The following TSNAXIP1 variants were observed in gnomAD, a reference collection of about 807,000 sequenced individuals.
The protein encoded by TSNAXIP1 is translin associated factor X interacting protein 1.
A neutral mutation model predicts 84.8 loss-of-function variants in TSNAXIP1; 89 were observed. The ratio of observed to expected loss-of-function variants is 1.05; its 90% confidence interval spans 0.88 to 1.25. The LOEUF is 1.25. TSNAXIP1 is among the 50% of genes most tolerant of loss of function. The probability of loss-of-function intolerance (pLI) is 0.00; values close to 1 mark genes in which losing one functional copy is unlikely to be tolerated. For missense variants in TSNAXIP1, 874 were observed against 887.6 expected, an observed-to-expected ratio of 0.98 and a Z score of 0.20; for synonymous variants, 347 against 335.2, an observed-to-expected ratio of 1.04 and a Z score of -0.39.
rs202171642 is a variant in TSNAXIP1, at chr16:67,824,782, G to T, written c.678+3G>T. ...AGAAGATTTCATTGCAGAGCGAGGT[G>T]AATGGAAGTGGTGTGATGATGACCA... On this transcript the variant is annotated splice_donor_region_variant and intron_variant, in intron 6 of 15. Coordinates refer to ENST00000561639, the MANE Select transcript of TSNAXIP1 (RefSeq NM_001288990.3). 1 of 1,612,806 alleles carries T rather than the reference G, an allele frequency of 6.2e-7. No individual in the cohort carries two copies. Among genetic ancestry groups the T allele is most frequent in the Admixed American group, 1.7e-5 (1 of 59,964 alleles).
In TSNAXIP1 at chr16:67,820,828, C is replaced by T. The variant is rs750931293; in HGVS notation, c.148-11C>T. ...TGTTGCCATGGCAACCCCACCTGTA[C>T]CTCCCTGCAGACTGGTCAGTTCTCC... is the stretch of plus-strand genomic sequence containing the variant. On this transcript the variant is annotated splice_polypyrimidine_tract_variant and intron_variant, in intron 2 of 15. Coordinates refer to ENST00000561639, the MANE Select transcript of TSNAXIP1 (RefSeq NM_001288990.3). 1.3e-6 allele frequency: 2 copies of T among 1,512,226 alleles called. No homozygotes were observed. Among genetic ancestry groups the T allele is most frequent in the Non-Finnish European group, 8.9e-7 (1 of 1,128,114 alleles). 93.7% of individuals were successfully genotyped at this position (1,512,226 alleles called of 1,614,324 possible).
chr16:67,817,627 C>A (rs1163190659), intron 2 of TSNAXIP1, among the ~76,000 whole-genome samples: 1 of 149,548 alleles, frequency 6.7e-6, no homozygotes, highest in Non-Finnish European at 1.5e-5. Flanking sequence ...CGCGGTGGCT[C>A]ACGCCTGTAA....
intron 2 of TSNAXIP1, among the ~76,000 whole-genome samples, chr16:67,819,967 C>T (rs952565864): frequency 4.6e-5 from 7 of 151,882 alleles, no homozygotes; most frequent in South Asian, 2.1e-4. Context: ...TACAGGTGTC[C>T]GACACCACGC....
chr16:67,824,008 G>T (rs2057260716), intron 5 of TSNAXIP1, among the ~76,000 whole-genome samples: 1 of 90,032 alleles, frequency 1.1e-5, no homozygotes, highest in East Asian at 3.4e-4. Flanking sequence ...AAAAGAACAA[G>T]ACTCCATCGC....
chr16:67,826,135 C>T lies in TSNAXIP1; in HGVS notation c.1145-17C>T, dbSNP rs1363768893. 1.2e-6 allele frequency: 2 copies of T among 1,613,206 alleles called. No individual in the cohort carries two copies. The highest frequency in any genetic ancestry group is 1.1e-5 in the South Asian group (1 of 91,066). ...TACATGTGGGCCCAGACTCCAGCTC[C>T]CTCTCCCCACATGCAGATGTGGTGG... On this transcript the variant is annotated splice_polypyrimidine_tract_variant and intron_variant, in intron 9 of 15. Coordinates refer to ENST00000561639, the MANE Select transcript of TSNAXIP1 (RefSeq NM_001288990.3).
Position 67,827,598 on chromosome 16 carries a change from T to C in TSNAXIP1, c.1898+19T>C, listed in dbSNP as rs34693072. ...TAGAACTGTGAGTGACCCTCATCCA[T>C]AGGCGAGTCCCACAGGCTGGGCCCC... On this transcript the variant is annotated intron_variant, in intron 15 of 15. Coordinates refer to ENST00000561639, the MANE Select transcript of TSNAXIP1 (RefSeq NM_001288990.3). The C allele has an allele frequency of 0.041, 66,088 of 1,613,726 alleles. 1,481 individuals are homozygous for C. Among genetic ancestry groups the C allele is most frequent in the Non-Finnish European group, 0.045 (53,497 of 1,179,690 alleles).
At chr16:67,825,415 C>A (rs1388599881) in intron 7 of TSNAXIP1, 143 bp downstream of exon 7, 7 of 1,260,898 alleles carry the variant, frequency 5.6e-6, no homozygotes, top group Non-Finnish European at 7.6e-6. Flanking sequence ...CTGCCTCCCG[C>A]AGGGCTGTGT....
rs532640666 is a variant in TSNAXIP1, at chr16:67,817,146, T to G, written c.147+2745T>G. Among the ~76,000 whole-genome samples the G allele has an allele frequency of 5.2e-4, 79 of 151,098 alleles. 1 individual carries two copies. The highest frequency in any genetic ancestry group is 2.5e-3 in the East Asian group (13 of 5,100). On this transcript the variant is annotated intron_variant, in intron 2 of 15. Coordinates refer to ENST00000561639, the MANE Select transcript of TSNAXIP1 (RefSeq NM_001288990.3). ...ACACCTGGCTAATTTTTTGCGGTTT[T>G]TTTTTTGTTTTTTGTTTTTTTGAAA...
At chr16:67,810,359 G>A (rs1311046532) in intron 1 of TSNAXIP1, among the ~76,000 whole-genome samples, 1 of 152,064 alleles carries the variant, frequency 6.6e-6, no homozygotes, top group Non-Finnish European at 1.5e-5. Flanking sequence ...GGTGGCTCAC[G>A]TCTGTAATCC....
At chr16:67,824,552 C>CA (rs1227935970) in intron 5 of TSNAXIP1, 31 bp from the exon 6 acceptor site, 5 of 1,607,298 alleles carry the variant, frequency 3.1e-6, no homozygotes, top group Non-Finnish European at 4.2e-6. Context: ...TCCATGGCCC[C>CA]AAAGCAGCTC....
At position 67,825,790 on chromosome 16, in the gene TSNAXIP1, G is replaced by A. The variant is rs1218947055; in HGVS notation, c.938G>A (p.Arg313Lys). The A allele has an allele frequency of 6.2e-7, 1 of 1,614,174 alleles. No individual in the cohort carries two copies. The highest frequency in any genetic ancestry group is 8.5e-7 in the Non-Finnish European group (1 of 1,180,028). The change falls in exon 8 of 16, where the codon AGG (arginine) becomes AAG (lysine). Residue 313 changes from arginine to lysine, a missense_variant. Coordinates refer to ENST00000561639, the MANE Select transcript of TSNAXIP1 (RefSeq NM_001288990.3). ...AACTTTGGAGATGTGGTCCCCAGGA[G>A]GGACTTTGAAATGCAGGAGAAGACC... The part of the protein sequence containing the change: ...KANFGDVVPR[R>K]DFEMQEKTNK...
At chr16:67,811,806 G>T (rs566489187) in intron 1 of TSNAXIP1, among the ~76,000 whole-genome samples, 2 of 152,204 alleles carry the variant, frequency 1.3e-5, no homozygotes, top group East Asian at 3.9e-4. Context: ...TTGATCTGTT[G>T]TATCTTGTTG....
intron 2 of TSNAXIP1, among the ~76,000 whole-genome samples, chr16:67,816,694 AG>A (rs1216640513): frequency 2.0e-5 from 3 of 152,142 alleles, no homozygotes; most frequent in Non-Finnish European, 4.4e-5. Context: ...ATCAACCACC[AG>A]GGGGCAGTGT....
At chr16:67,820,782 A>T in intron 2 of TSNAXIP1, 57 bp from the exon 3 acceptor site, 1 of 1,298,456 alleles carries the variant, frequency 7.7e-7, no homozygotes, top group Non-Finnish European at 1.1e-6. Context: ...AGATGGAGAG[A>T]AACATTAGGA....
chr16:67,807,860 C>T (rs1452535367), intron 1 of TSNAXIP1: 1 of 156,958 alleles, frequency 6.4e-6, no homozygotes, highest in African/African-American at 2.4e-5. Flanking sequence ...ACTTTAGAAG[C>T]CTGGAGAGAT....
chr16:67,822,338 A>G (rs2057129263), intron 4 of TSNAXIP1, among the ~76,000 whole-genome samples: 1 of 151,860 alleles, frequency 6.6e-6, no homozygotes, highest in Non-Finnish European at 1.5e-5. Flanking sequence ...TGTGGATCCA[A>G]AAGTCTCCTG....
In TSNAXIP1 at chr16:67,827,541, G is replaced by A; in HGVS notation, c.1860G>A (p.Glu620=). The change falls in exon 15 of 16, where the codon GAG becomes GAA. Residue 620 remains glutamate (E), a synonymous_variant. Coordinates refer to ENST00000561639, the MANE Select transcript of TSNAXIP1 (RefSeq NM_001288990.3). The part of the protein sequence containing the change: ...LWEQYMDEKD[E]YLQQLKQELG... ...AACAATACATGGATGAGAAGGACGA[G>A]TACTTACAGCAGCTAAAGCAGGAGC... The A allele has an allele frequency of 3.1e-6, 5 of 1,614,212 alleles. No individual in the cohort carries two copies. Among genetic ancestry groups the A allele is most frequent in the Non-Finnish European group, 4.2e-6 (5 of 1,180,036 alleles).
intron 15 of TSNAXIP1, 23 bp downstream of exon 15, chr16:67,827,602 C>T (rs574517941): frequency 5.5e-5 from 89 of 1,612,984 alleles, no homozygotes; most frequent in South Asian, 4.5e-4. Context: ...CATCCATAGG[C>T]GAGTCCCACA....
At chr16:67,821,852 G>A (rs1384926661) in intron 4 of TSNAXIP1, among the ~76,000 whole-genome samples, 2 of 151,922 alleles carry the variant, frequency 1.3e-5, no homozygotes, top group African/African-American at 2.4e-5. Flanking sequence ...TGCAGTGGTG[G>A]TACACACCTG....
Sources: gnomAD v4.1 joint callset for allele counts (sites outside exome capture counted in the v4.1 genomes callset) on GRCh38, gnomAD v4.1.1 for gene constraint, MANE v1.5 for transcripts, NCBI Gene and HGNC (gene_info 2026-07-23, HGNC 2026-07-21) for gene names.